PALB2: variants seen among roughly 807,000 people sequenced by gnomAD.
The protein encoded by PALB2 is mutant partner and localizer of BRCA2.
A neutral mutation model predicts 107.4 loss-of-function variants in PALB2; 82 were observed. That is an observed-to-expected ratio of 0.76 (90% CI 0.64 to 0.92). The LOEUF is 0.92. PALB2 is among the 40% of genes least tolerant of loss of function. The pLI, the probability that PALB2 is intolerant of heterozygous loss-of-function variation, is 0.00. For synonymous variants in PALB2, 489 were observed against 496.8 expected (o/e 0.98, Z 0.21); for missense variants, 1,374 against 1,379.9 (o/e 1.00, Z 0.07).
rs515726112 is a variant in PALB2, at chr16:23,607,908, G to C, written c.3306C>G (p.Ser1102Arg). 7 of 1,613,990 alleles carry C rather than the reference G, an allele frequency of 4.3e-6. No individual in the cohort carries two copies. The highest frequency in any genetic ancestry group is 5.9e-6 in the Non-Finnish European group (7 of 1,179,996). ...GAAGACAGTACAGCATCACACCCACGCTGAGAGTCGTCTTAGGGTTAATCA... is the reference window on the plus strand; with the variant it reads ...GAAGACAGTACAGCATCACACCCACCCTGAGAGTCGTCTTAGGGTTAATCA... ...LIVINPKTTL[S>R]VGVMLYCLPP... The change falls in exon 12 of 13, where the codon AGC (serine) becomes AGG (arginine). Residue 1102 changes from serine to arginine, a missense_variant. Coordinates refer to ENST00000261584, the MANE Select transcript of PALB2 (RefSeq NM_024675.4).
chr16:23,610,321 T>A (rs571258884), intron 11 of PALB2, among the ~76,000 whole-genome samples: 8 of 151,736 alleles, frequency 5.3e-5, no homozygotes, highest in East Asian at 3.9e-4. Context: ...TTTTTTTTTT[T>A]TTTTTTGAGA....
At chr16:23,639,259 G>T (rs546579058) in intron 1 of PALB2, among the ~76,000 whole-genome samples, 7 of 152,236 alleles carry the variant, frequency 4.6e-5, no homozygotes, top group African/African-American at 1.7e-4. Flanking sequence ...TCAGCTGGGC[G>T]CAGTGGCTCA....
chr16:23,628,632 T>G (rs1017072414), intron 6 of PALB2, among the ~76,000 whole-genome samples: 1 of 152,208 alleles, frequency 6.6e-6, no homozygotes, highest in Non-Finnish European at 1.5e-5. Flanking sequence ...TCAAAATGCC[T>G]GTTAGATTTA....
chr16:23,629,498 A>C, intron 5 of PALB2, 142 bp downstream of exon 5: 1 of 952,984 alleles, frequency 1.0e-6, no homozygotes, highest in Non-Finnish European at 1.6e-6. Flanking sequence ...GAACTTAATG[A>C]TTACAATGAA....
intron 1 of PALB2, among the ~76,000 whole-genome samples, chr16:23,638,819 T>C (rs1967131068): frequency 6.6e-6 from 1 of 152,304 alleles, no homozygotes; most frequent in Non-Finnish European, 1.5e-5. Context: ...TTGACTATCA[T>C]TTGAGCCTAA....
At chr16:23,603,708 T>C in intron 12 of PALB2, 39 bp from the exon 13 acceptor site, 1 of 1,511,106 alleles carries the variant, frequency 6.6e-7, no homozygotes, top group Non-Finnish European at 9.0e-7. Flanking sequence ...AGATTACATA[T>C]CCAAAAAACA....
At chr16:23,624,231 T>G in intron 7 of PALB2, 137 bp from the exon 8 acceptor site, 1 of 677,832 alleles carries the variant, frequency 1.5e-6, no homozygotes, top group Admixed American at 2.4e-5. Flanking sequence ...CTCAGAAAAC[T>G]CTTTTTATTA....
In PALB2 at chr16:23,608,047, C is replaced by T. The variant is rs1966514113; in HGVS notation, c.3202-35G>A. 1.9e-6 allele frequency: 3 copies of T among 1,599,894 alleles called. No homozygotes were observed. The highest frequency in any genetic ancestry group is 2.7e-5 in the African/African-American group (2 of 74,594). On this transcript the variant is annotated intron_variant, in intron 11 of 12. Coordinates refer to ENST00000261584, the MANE Select transcript of PALB2 (RefSeq NM_024675.4). ...GAGAAAAATAAATATCCCAAATAGA[C>T]TGTCAAGAGTATGTCAGGAAAAATA...
At position 23,635,634 on chromosome 16, in the gene PALB2, AAGG is replaced by A. The variant is rs587780222; in HGVS notation, c.909_911del (p.Leu304del). ...CACTTTTACTTATAGCTTTATTTACAAGGAGGTTATCTGTAGAGACAGTCATTT... is the reference window on the plus strand; with the variant it reads ...CACTTTTACTTATAGCTTTATTTACAAGGTTATCTGTAGAGACAGTCATTT... On this transcript the variant is annotated inframe_deletion, in exon 4 of 13. Coordinates refer to ENST00000261584, the MANE Select transcript of PALB2 (RefSeq NM_024675.4). 1.9e-6 allele frequency: 3 copies of A among 1,613,974 alleles called. No individual in the cohort carries two copies. Among genetic ancestry groups the A allele is most frequent in the East Asian group, 4.5e-5 (2 of 44,884 alleles).
intron 4 of PALB2, among the ~76,000 whole-genome samples, chr16:23,631,263 G>T (rs1372820135): frequency 8.4e-6 from 1 of 118,692 alleles, no homozygotes; most frequent in Non-Finnish European, 1.6e-5. Flanking sequence ...CTGGGCGACA[G>T]AGTGAGACTC....
At position 23,641,214 on chromosome 16, in the gene PALB2, C is replaced by A. The variant is rs1485719240; in HGVS notation, c.-57G>T. The A allele has an allele frequency of 5.0e-6, 8 of 1,592,700 alleles. No individual in the cohort carries two copies. The Admixed American group carries it at 1.2e-4, about 24-fold the overall frequency. ...TCGCCGACCCCAGGCCTGCCGACAC[C>A]GGGACCCAGTTGGCCCTGGGCCGGG... is the stretch of plus-strand genomic sequence containing the variant. On this transcript the variant is annotated 5_prime_UTR_variant, in exon 1 of 13. Transcript: ENST00000261584.
intron 10 of PALB2, among the ~76,000 whole-genome samples, chr16:23,620,710 G>T (rs1966756881): frequency 6.6e-6 from 1 of 152,172 alleles, no homozygotes; most frequent in Admixed American, 6.6e-5. Context: ...TACTCAGACT[G>T]ATCTTTTTTG....
At chr16:23,614,941 C>T (rs1336450811) in intron 10 of PALB2, among the ~76,000 whole-genome samples, 5 of 148,748 alleles carry the variant, frequency 3.4e-5, no homozygotes, top group South Asian at 2.1e-4. Flanking sequence ...TGAGCCACCG[C>T]GCCTGGCCTT....
Position 23,629,870 on chromosome 16 carries a change from G to GAGCAAGTTGGGGTGTGC in PALB2, c.2267_2283dup (p.His762AlafsTer8), listed in dbSNP as rs755471995. 3 of 1,614,182 alleles carry GAGCAAGTTGGGGTGTGC rather than the reference G, an allele frequency of 1.9e-6. No individual in the cohort carries two copies. The highest frequency in any genetic ancestry group is 2.5e-6 in the Non-Finnish European group (3 of 1,180,042). ...GCAAGACAGACTGAGTCTTTCAAAT[G>GAGCAAGTTGGGGTGTGC]AGCAAGTTGGGGTGTGCAGCAAGTT... On this transcript the variant is annotated frameshift_variant, in exon 5 of 13. Coordinates refer to ENST00000261584, the MANE Select transcript of PALB2 (RefSeq NM_024675.4). LOFTEE classifies it high-confidence loss of function.
At chr16:23,615,400 G>A (rs1264804472) in intron 10 of PALB2, among the ~76,000 whole-genome samples, 4 of 151,998 alleles carry the variant, frequency 2.6e-5, no homozygotes, top group Admixed American at 2.6e-4. Flanking sequence ...GACCTCTGAG[G>A]CTCAAGCGAT....
chr16:23,629,330 G>A (rs2142369724), intron 5 of PALB2, 55 bp from the exon 6 acceptor site: 2 of 1,429,302 alleles, frequency 1.4e-6, no homozygotes, highest in Non-Finnish European at 9.8e-7. Flanking sequence ...ATGTCTGCCT[G>A]CATTACCCAC....
intron 11 of PALB2, among the ~76,000 whole-genome samples, chr16:23,611,341 C>G (rs1314504832): frequency 6.6e-6 from 1 of 151,990 alleles, no homozygotes; most frequent in Non-Finnish European, 1.5e-5. Flanking sequence ...GACAGGGTTT[C>G]ATCATGTTGG....
At chr16:23,636,398 T>A (rs1165380513) in intron 3 of PALB2, 64 bp from the exon 4 acceptor site, 2 of 1,087,228 alleles carry the variant, frequency 1.8e-6, no homozygotes, top group African/African-American at 3.2e-5. Context: ...AAAATACTCA[T>A]TTTTAACCTA....
chr16:23,617,566 T>C (rs1597076449), intron 10 of PALB2: 1 of 134,278 alleles, frequency 7.4e-6, no homozygotes, highest in Non-Finnish European at 1.5e-5. Context: ...CAAAAAAAAA[T>C]TAAAAAAAAA....
Sources: allele counts gnomAD v4.1 joint callset (sites outside exome capture counted in the v4.1 genomes callset), GRCh38; gene constraint gnomAD v4.1.1; transcripts MANE v1.5; gene names NCBI Gene and HGNC (gene_info 2026-07-23, HGNC 2026-07-21).